Variants in ANXA8 observed in about 807,000 individuals in gnomAD.
ANXA8 encodes the protein annexin A8.
ANXA8 carries 9 observed loss-of-function variants against 26.8 expected under a neutral mutation model. That is an observed-to-expected ratio of 0.34 (90% confidence interval 0.20 to 0.59). The LOEUF (loss-of-function observed/expected upper bound fraction) is 0.59. Among genes scored for constraint, ANXA8 ranks in the 20% least tolerant of loss-of-function variants. ANXA8 has a pLI of 0.84. For missense variants in ANXA8, 83 were observed against 238.5 expected (o/e 0.35, Z 4.29); for synonymous variants, 39 against 94.8 (o/e 0.41, Z 3.42).
chr10:47,559,061 A>G, the ANXA8 span, among the ~76,000 whole-genome samples: 62 of 150,782 alleles, frequency 4.1e-4, no homozygotes, highest in African/African-American at 1.4e-3. Flanking sequence ...TATATGTCAC[A>G]TCATTTTGTC....
At chr10:47,618,567 CAT>C in the ANXA8 span, among the ~76,000 whole-genome samples, 1 of 113,776 alleles carries the variant, frequency 8.8e-6, no homozygotes, top group Non-Finnish European at 1.9e-5. Context: ...TTGAACCATA[CAT>C]GTTTATTAAA....
At chr10:47,578,811 ATAAG>A in the ANXA8 span, among the ~76,000 whole-genome samples, 13 of 151,818 alleles carry the variant, frequency 8.6e-5, no homozygotes, top group Admixed American at 8.5e-4. Context: ...GCAGGATGAC[ATAAG>A]TAAGTTCTTT....
the ANXA8 span, among the ~76,000 whole-genome samples, chr10:47,490,068 C>T: frequency 6.7e-6 from 1 of 150,180 alleles, no homozygotes; most frequent in African/African-American, 2.5e-5. Context: ...GAAGCCCAGG[C>T]TGGGCCTGTG....
At chr10:47,576,698 T>G in the ANXA8 span, among the ~76,000 whole-genome samples, 1 of 150,642 alleles carries the variant, frequency 6.6e-6, no homozygotes, top group Non-Finnish European at 1.5e-5. Flanking sequence ...TTCTGTATTT[T>G]TTGGAGAGAC....
the ANXA8 span, among the ~76,000 whole-genome samples, chr10:47,958,250 C>T: frequency 2.0e-4 from 30 of 149,730 alleles, 1 homozygote; most frequent in South Asian, 8.4e-4. Context: ...AAGCCGAGGC[C>T]GGCAGAGCAC....
At chr10:47,650,447 G>T in the ANXA8 span, among the ~76,000 whole-genome samples, 2 of 151,706 alleles carry the variant, frequency 1.3e-5, no homozygotes, top group Non-Finnish European at 2.9e-5. Flanking sequence ...TCTGTTAAGG[G>T]TCTAGTATTT....
chr10:47,568,059 G>C, the ANXA8 span: 1 of 666,906 alleles, frequency 1.5e-6, no homozygotes, highest in Non-Finnish European at 2.7e-6. Context: ...TTTTGACACA[G>C]AGTCTTGCTC....
At chr10:47,937,941 G>A in the ANXA8 span, among the ~76,000 whole-genome samples, 1 of 115,618 alleles carries the variant, frequency 8.6e-6, no homozygotes, top group African/African-American at 3.2e-5. Flanking sequence ...GGGCATTTAG[G>A]TTGATTCCAT....
chr10:47,558,198 G>A, the ANXA8 span, among the ~76,000 whole-genome samples: 41 of 152,046 alleles, frequency 2.7e-4, no homozygotes, highest in South Asian at 1.0e-3. Flanking sequence ...TAGTACATAC[G>A]TCATTCTGTC....
chr10:47,490,786 C>CTG, the ANXA8 span, among the ~76,000 whole-genome samples: 1 of 126,400 alleles, frequency 7.9e-6, no homozygotes, highest in African/African-American at 3.2e-5. Flanking sequence ...TCAGGCAAGA[C>CTG]TTTTTCACAC....
the ANXA8 span, among the ~76,000 whole-genome samples, chr10:47,687,690 C>T: frequency 6.6e-6 from 1 of 151,884 alleles, no homozygotes; most frequent in African/African-American, 2.4e-5. Flanking sequence ...TAATGACATG[C>T]AATAGAACAG....
chr10:47,483,110 G>GC (rs1158172543), intron 1 of ANXA8, among the ~76,000 whole-genome samples: 2 of 151,610 alleles, frequency 1.3e-5, no homozygotes, highest in South Asian at 2.1e-4. Context: ...ATGGCCTCAG[G>GC]CTCAACCATA....
chr10:47,502,285 A>G, the ANXA8 span: 2 of 1,599,964 alleles, frequency 1.3e-6, no homozygotes, highest in Non-Finnish European at 1.7e-6. Flanking sequence ...GGTCTCGTTC[A>G]CCTCCTCACG....
chr10:47,574,084 A>G, the ANXA8 span, among the ~76,000 whole-genome samples: 4 of 70,458 alleles, frequency 5.7e-5, 1 homozygote, highest in African/African-American at 1.9e-4. Context: ...TTATGGGGGG[A>G]CATAATGGTT....
chr10:47,651,102 G>A, the ANXA8 span, among the ~76,000 whole-genome samples: 2 of 151,414 alleles, frequency 1.3e-5, no homozygotes, highest in African/African-American at 4.9e-5. Flanking sequence ...GAGAAGCTGA[G>A]GTGGGAGGAT....
chr10:47,497,901 T>G, the ANXA8 span, among the ~76,000 whole-genome samples: 2 of 152,128 alleles, frequency 1.3e-5, no homozygotes, highest in Non-Finnish European at 2.9e-5. Context: ...ACGGCGCCAT[T>G]GCACTCCAGC....
At chr10:47,666,058 A>T in the ANXA8 span, among the ~76,000 whole-genome samples, 1 of 151,182 alleles carries the variant, frequency 6.6e-6, no homozygotes, top group East Asian at 1.9e-4. Context: ...AGTAGTTTTT[A>T]GGTACAGTCA....
chr10:47,561,642 T>A, the ANXA8 span, among the ~76,000 whole-genome samples: 51 of 151,840 alleles, frequency 3.4e-4, 1 homozygote, highest in Admixed American at 7.9e-4. Flanking sequence ...CTTTCTTTTT[T>A]AAATTTTAAG....
the ANXA8 span, chr10:47,502,398 C>T: frequency 3.1e-6 from 5 of 1,610,152 alleles, no homozygotes. Context: ...GTAGTGGGGC[C>T]AGAAAGAGCT....
Sources: allele counts gnomAD v4.1 joint callset (sites outside exome capture counted in the v4.1 genomes callset), GRCh38; gene constraint gnomAD v4.1.1; transcripts MANE v1.5; gene names NCBI Gene and HGNC (gene_info 2026-07-23, HGNC 2026-07-21).